The following ABHD17C variants were observed in gnomAD, a reference collection of about 807,000 sequenced individuals.
ABHD17C encodes alpha/beta hydrolase domain-containing protein 17C.
Under a neutral mutation model 27.9 loss-of-function variants are expected in ABHD17C, and 11 were observed. The observed-to-expected ratio is 0.39, with a 90% CI of 0.25 to 0.65. The LOEUF is 0.65. Among genes scored for constraint, ABHD17C ranks in the 30% least tolerant of loss-of-function variants. The pLI, the probability that ABHD17C is intolerant of heterozygous loss-of-function variation, is 0.45. For missense variants in ABHD17C, 280 were observed against 470.2 expected (o/e 0.60, Z 3.74); for synonymous variants, 233 against 209.1 (o/e 1.11, Z -0.98).
At chr15:80,722,724 T>C (rs2759310) in intron 1 of ABHD17C, among the ~76,000 whole-genome samples, 99,693 of 152,000 alleles carry the variant, frequency 0.66, 32,779 homozygotes, top group Non-Finnish European at 0.67. Context: ...TCCCCATTAC[T>C]GTCTCCCCTA....
intron 1 of ABHD17C, among the ~76,000 whole-genome samples, chr15:80,700,022 A>G (rs1894549781): frequency 6.6e-6 from 1 of 152,240 alleles, no homozygotes; most frequent in Non-Finnish European, 1.5e-5. Flanking sequence ...GACACTGAAA[A>G]TCAGGGTCAC....
rs552131807 is a variant in ABHD17C, at chr15:80,736,929, G to A, written c.591-12584G>A. Among the ~76,000 whole-genome samples, 4 of 152,284 alleles carry A rather than the reference G, an allele frequency of 2.6e-5. No individual in the cohort carries two copies. The South Asian group carries it at 6.2e-4, about 24-fold the overall frequency. On this transcript the variant is annotated intron_variant, in intron 1 of 2. Transcript: ENST00000258884. ...TCCCATGAGACACCATCTCCTTGGC[G>A]CTGTCAGCCTCCATTGCAGGAACTT...
intron 1 of ABHD17C, among the ~76,000 whole-genome samples, chr15:80,708,838 C>T (rs1246491513): frequency 1.3e-5 from 2 of 152,170 alleles, no homozygotes; most frequent in Non-Finnish European, 2.9e-5. Context: ...AGATGCCAGA[C>T]CCCGTCCTCA....
intron 1 of ABHD17C, among the ~76,000 whole-genome samples, chr15:80,726,165 C>G (rs932727804): frequency 3.3e-5 from 5 of 152,224 alleles, no homozygotes; most frequent in Non-Finnish European, 7.3e-5. Flanking sequence ...GCACAGATCG[C>G]TCATGCTATT....
chr15:80,711,054 T>C (rs932569523), intron 1 of ABHD17C, among the ~76,000 whole-genome samples: 1 of 152,202 alleles, frequency 6.6e-6, no homozygotes, highest in Non-Finnish European at 1.5e-5. Context: ...GAAATAAATT[T>C]GGGAATTCTC....
chr15:80,728,984 C>T (rs933300168), intron 1 of ABHD17C, among the ~76,000 whole-genome samples: 2 of 152,180 alleles, frequency 1.3e-5, no homozygotes, highest in Non-Finnish European at 1.5e-5. Flanking sequence ...CCACATGAAA[C>T]GAATTGGCAA....
chr15:80,695,632 C>T lies in ABHD17C; in HGVS notation c.203C>T (p.Ala68Val). ...GCCCAGGCTACCGCCGCCGCCGCCG[C>T]GGCCCAGCCGGCACCGCAGCAGCCC... ...APAQATAAAA[A>V]AQPAPQQPEE... is the part of the protein sequence containing the mutation. Residue 68 changes from alanine to valine, a missense_variant, in exon 1 of 3, where the codon GCG becomes GTG. Transcript: ENST00000258884. The surrounding 1 kb of genome is among the most constrained non-coding windows in gnomAD (Gnocchi z 4.3). 1 of 1,209,770 alleles carries T rather than the reference C, an allele frequency of 8.3e-7. No individual in the cohort carries two copies. The highest frequency in any genetic ancestry group is 1.0e-6 in the Non-Finnish European group (1 of 976,410). The allele number at this position is 1,209,770 out of a possible 1,614,324, so 74.9% of individuals were successfully genotyped here. A position where few individuals can be genotyped will look rare whatever the true frequency, so the allele number is the denominator to read the frequency against.
chr15:80,696,714 A>T (rs182011723), intron 1 of ABHD17C, among the ~76,000 whole-genome samples: 39 of 152,314 alleles, frequency 2.6e-4, no homozygotes, highest in African/African-American at 9.1e-4. Flanking sequence ...TTAAATTAGC[A>T]TTCACAGAAG....
chr15:80,726,501 G>GTTTT (rs10572505), intron 1 of ABHD17C, among the ~76,000 whole-genome samples: 4 of 94,508 alleles, frequency 4.2e-5, no homozygotes, highest in African/African-American at 1.1e-4. Flanking sequence ...TCTTTTTCTG[G>GTTTT]TTTTTTTTTT....
intron 1 of ABHD17C, among the ~76,000 whole-genome samples, chr15:80,733,269 A>G (rs1014501255): frequency 6.6e-6 from 1 of 152,144 alleles, no homozygotes; most frequent in East Asian, 1.9e-4. Context: ...TCCAGCATTA[A>G]GAGAGAGGAC....
chr15:80,711,552 A>G (rs911283434), intron 1 of ABHD17C, among the ~76,000 whole-genome samples: 2 of 152,170 alleles, frequency 1.3e-5, no homozygotes, highest in Non-Finnish European at 2.9e-5. Flanking sequence ...ATTTCCAAAA[A>G]AAACCCTCCT....
At chr15:80,713,803 C>T (rs1291143998) in intron 1 of ABHD17C, among the ~76,000 whole-genome samples, 4 of 149,674 alleles carry the variant, frequency 2.7e-5, no homozygotes, top group African/African-American at 2.5e-5. Flanking sequence ...AGCGAGATTC[C>T]GTCTCAAAAA....
chr15:80,733,836 T>C (rs964023090), intron 1 of ABHD17C, among the ~76,000 whole-genome samples: 3 of 152,182 alleles, frequency 2.0e-5, no homozygotes, highest in South Asian at 2.1e-4. Context: ...TTTTCAGCCT[T>C]GGCAATCAAA....
intron 1 of ABHD17C, among the ~76,000 whole-genome samples, chr15:80,725,895 C>T (rs1330679189): frequency 6.6e-6 from 1 of 152,046 alleles, no homozygotes; most frequent in East Asian, 1.9e-4. Flanking sequence ...GAGACCCTAA[C>T]CCAGCGGCAC....
intron 1 of ABHD17C, among the ~76,000 whole-genome samples, chr15:80,708,754 A>T (rs1032990004): frequency 1.3e-5 from 2 of 152,212 alleles, no homozygotes; most frequent in Admixed American, 1.3e-4. Flanking sequence ...TGGTTGAGTA[A>T]ATAAACAGGT....
chr15:80,748,652 G>C (rs535560553), intron 1 of ABHD17C, among the ~76,000 whole-genome samples: 7 of 150,240 alleles, frequency 4.7e-5, no homozygotes, highest in South Asian at 2.2e-4. Context: ...AAGAGAGCAT[G>C]TATTTTCCCG....
chr15:80,717,130 T>G (rs554504676), intron 1 of ABHD17C, among the ~76,000 whole-genome samples: 1 of 152,310 alleles, frequency 6.6e-6, no homozygotes, highest in East Asian at 1.9e-4. Context: ...ATTTTTATTT[T>G]TATTAATAGT....
intron 1 of ABHD17C, among the ~76,000 whole-genome samples, chr15:80,707,906 G>C (rs1894670418): frequency 6.6e-6 from 1 of 152,158 alleles, no homozygotes; most frequent in African/African-American, 2.4e-5. Context: ...CCCTAAAAAG[G>C]CTAAGAAGGT....
At position 80,695,336 on chromosome 15, in the gene ABHD17C, C is replaced by A; in HGVS notation, c.-94C>A. 1 of 885,372 alleles carries A rather than the reference C, an allele frequency of 1.1e-6. No homozygotes were observed. Among genetic ancestry groups the A allele is most frequent in the South Asian group, 4.7e-5 (1 of 21,434 alleles). 54.8% of individuals were successfully genotyped at this position (885,372 alleles called of 1,614,324 possible). ...GGCTGCAGCCGCCCTCCGCGCTCGC[C>A]TGCCAGCTCCCTCGCCGCGCGTCCG... On this transcript the variant is annotated 5_prime_UTR_variant, in exon 1 of 3. In the 5' UTR this introduces an upstream ATG that the reference lacks. Transcript: ENST00000258884. This position sits in a 1 kb window ranked among gnomAD's most constrained non-coding sequence, Gnocchi z 4.3.
Sources: gnomAD v4.1 joint callset for allele counts (sites outside exome capture counted in the v4.1 genomes callset) on GRCh38, gnomAD v4.1.1 for gene constraint, Gnocchi (gnomAD v3.1) non-coding constraint, MANE v1.5 for transcripts, NCBI Gene and HGNC (gene_info 2026-07-23, HGNC 2026-07-21) for gene names.